RBPJ: variants seen among roughly 807,000 people sequenced by gnomAD.
The protein encoded by RBPJ is recombination signal binding protein for immunoglobulin kappa J region, also known as recombining binding protein suppressor of hairless.
In RBPJ, 9 loss-of-function variants were observed where a neutral mutation model predicts 67.8. The observed-to-expected ratio is 0.13, with a 90% confidence interval of 0.08 to 0.23. The LOEUF (loss-of-function observed/expected upper bound fraction) is 0.23, where lower values mean the gene tolerates loss of function less well. Ranked by LOEUF, RBPJ falls within the 10% of genes least tolerant of loss-of-function variation. The pLI, the probability that RBPJ is intolerant of heterozygous loss-of-function variation, is 1.00. For missense variants in RBPJ, 305 were observed against 595.6 expected (o/e 0.51, Z 5.08); for synonymous variants, 198 against 203.3 (o/e 0.97, Z 0.22).
intron 1 of RBPJ, among the ~76,000 whole-genome samples, chr4:26,261,133 T>C (rs1720517398): frequency 1.3e-5 from 2 of 151,942 alleles, no homozygotes; most frequent in South Asian, 2.1e-4. Flanking sequence ...TGGAAGAAAA[T>C]ATTGCACTGA....
At chr4:26,319,325 C>T (rs1420050518), upstream of RBPJ, among the ~76,000 whole-genome samples, 1 of 152,212 alleles carries the variant, frequency 6.6e-6, no homozygotes, top group Non-Finnish European at 1.5e-5. Flanking sequence ...CCGTTCGAGG[C>T]TCCCCACCCC....
intron 1 of RBPJ, among the ~76,000 whole-genome samples, chr4:26,240,753 A>G (rs1002163910): frequency 1.3e-5 from 2 of 152,076 alleles, no homozygotes; most frequent in African/African-American, 4.8e-5. Context: ...AAATTTTCAC[A>G]CAGAAGATGT....
upstream of RBPJ, among the ~76,000 whole-genome samples, chr4:26,315,190 ATATG>A (rs59271972): frequency 0.012 from 1,308 of 104,910 alleles, 67 homozygotes; most frequent in African/African-American, 0.032. Flanking sequence ...ATATATATAT[ATATG>A]TATGTATATA....
At position 26,264,996 on chromosome 4, in the gene RBPJ, A is replaced by G. The variant is rs1238650569; in HGVS notation, c.-166-97450A>G. Among the ~76,000 whole-genome samples the G allele has an allele frequency of 6.6e-6, 1 of 152,212 alleles. No homozygotes were observed. Among genetic ancestry groups the G allele is most frequent in the Non-Finnish European group, 1.5e-5 (1 of 68,040 alleles). On this transcript the variant is annotated intron_variant, in intron 1 of 4. Transcript: ENST00000512351. The surrounding 1 kb of genome is among the most constrained non-coding windows in gnomAD (Gnocchi z 4.1). ...CAAAGAAAGGACAGATGGTTGAAGT[A>G]TTTATACCCTATTCATAGGGAAGAG... is the stretch of plus-strand genomic sequence containing the variant.
the RBPJ span, among the ~76,000 whole-genome samples, chr4:26,124,412 C>T: frequency 1.3e-5 from 1 of 74,524 alleles, no homozygotes; most frequent in Non-Finnish European, 2.4e-5. Flanking sequence ...AGTAGTATTC[C>T]ATCATATATA....
chr4:26,308,402 T>C (rs1370016111), intron 1 of RBPJ, among the ~76,000 whole-genome samples: 4 of 152,266 alleles, frequency 2.6e-5, no homozygotes, highest in African/African-American at 9.6e-5. Flanking sequence ...ATTAATAGAA[T>C]GATTAGAAAT....
In RBPJ at chr4:26,430,259, G is replaced by T; in HGVS notation, c.1045-160G>T. ...AGAAAATTTAAATGTAAATAAACTT[G>T]TATGTTATCTTGAAATGTTTTTAGC... On this transcript the variant is annotated intron_variant, in intron 9 of 10. Transcript: ENST00000355476. This position sits in a 1 kb window ranked among gnomAD's most constrained non-coding sequence, Gnocchi z 4.1. 1 of 844,412 alleles carries T rather than the reference G, an allele frequency of 1.2e-6. No homozygotes were observed. The highest frequency in any genetic ancestry group is 1.9e-6 in the Non-Finnish European group (1 of 537,832). 52.3% of individuals were successfully genotyped at this position (844,412 alleles called of 1,614,324 possible).
intron 1 of RBPJ, among the ~76,000 whole-genome samples, chr4:26,259,368 CA>C (rs375463476): frequency 9.1e-4 from 138 of 152,226 alleles, no homozygotes; most frequent in African/African-American, 3.2e-3. Flanking sequence ...AAAAAGTCAA[CA>C]AGAAAAAATG....
chr4:26,120,598 C>T, the RBPJ span, among the ~76,000 whole-genome samples: 1 of 152,004 alleles, frequency 6.6e-6, no homozygotes, highest in South Asian at 2.1e-4. Context: ...TCATCCTAAC[C>T]TTGGCACCAT....
chr4:26,392,515 AGATG>A (rs1158770653), intron 2 of RBPJ, among the ~76,000 whole-genome samples: 2 of 152,198 alleles, frequency 1.3e-5, no homozygotes, highest in African/African-American at 4.8e-5. Flanking sequence ...GCAACAACAT[AGATG>A]GATCTTAAAA....
chr4:26,424,882 T>C lies in RBPJ; in HGVS notation c.747+139T>C. Reference sequence around the variant, plus strand: ...TAAAAGGTATGTTAGTAATCAGTGCTGTTTATAATTGACAGTTATGCTCTA... The same window carrying C: ...TAAAAGGTATGTTAGTAATCAGTGCCGTTTATAATTGACAGTTATGCTCTA... On this transcript the variant is annotated intron_variant, in intron 7 of 10. Coordinates refer to ENST00000355476, the MANE Select transcript of RBPJ (RefSeq NM_015874.6). The surrounding 1 kb of genome is among the most constrained non-coding windows in gnomAD (Gnocchi z 5.3). The C allele has an allele frequency of 1.8e-6, 1 of 566,480 alleles. No individual in the cohort carries two copies. The highest frequency in any genetic ancestry group is 3.1e-6 in the Non-Finnish European group (1 of 320,594). The allele number at this position is 566,480 out of a possible 1,614,324, so 35.1% of individuals were successfully genotyped here.
At chr4:26,250,328 CTTTTTT>C (rs869105820) in intron 1 of RBPJ, among the ~76,000 whole-genome samples, 1 of 120,682 alleles carries the variant, frequency 8.3e-6, no homozygotes, top group Non-Finnish European at 1.7e-5. Context: ...GACTCCATTC[CTTTTTT>C]TTTTTTTTTT....
At chr4:26,151,129 A>G in the RBPJ span, among the ~76,000 whole-genome samples, 1 of 152,246 alleles carries the variant, frequency 6.6e-6, no homozygotes, top group African/African-American at 2.4e-5. Flanking sequence ...GCACCGAAGC[A>G]GCAGAGCAGG....
the RBPJ span, among the ~76,000 whole-genome samples, chr4:26,120,864 C>T: frequency 1.4e-5 from 2 of 147,586 alleles, no homozygotes; most frequent in Non-Finnish European, 3.0e-5. Context: ...CTGAGATGCC[C>T]CAGCTATTCT....
At chr4:26,158,049 T>G in the RBPJ span, among the ~76,000 whole-genome samples, 1 of 152,212 alleles carries the variant, frequency 6.6e-6, no homozygotes, top group Non-Finnish European at 1.5e-5. Context: ...GTAAAATGGT[T>G]GTTGTTTAAA....
At chr4:26,318,116 A>AACAC (rs201135772), upstream of RBPJ, among the ~76,000 whole-genome samples, 1 of 151,004 alleles carries the variant, frequency 6.6e-6, no homozygotes, top group African/African-American at 2.4e-5. Flanking sequence ...GGCAAACACA[A>AACAC]ACACACACAC....
chr4:26,133,137 C>T, the RBPJ span, among the ~76,000 whole-genome samples: 1 of 152,274 alleles, frequency 6.6e-6, no homozygotes, highest in Non-Finnish European at 1.5e-5. Context: ...CATTTCCTTG[C>T]ACATGCACCA....
At chr4:26,303,451 A>C (rs148322927) in intron 1 of RBPJ, among the ~76,000 whole-genome samples, 2 of 149,120 alleles carry the variant, frequency 1.3e-5, no homozygotes, top group African/African-American at 4.9e-5. Flanking sequence ...AAAAAAAAAA[A>C]AAAAGAAAGA....
chr4:26,156,730 C>T, the RBPJ span, among the ~76,000 whole-genome samples: 2 of 152,090 alleles, frequency 1.3e-5, no homozygotes, highest in African/African-American at 4.8e-5. Flanking sequence ...GCTGGGATTA[C>T]AGACATGAGC....
Sources: allele counts gnomAD v4.1 joint callset (sites outside exome capture counted in the v4.1 genomes callset), GRCh38; gene constraint gnomAD v4.1.1; non-coding constraint Gnocchi (gnomAD v3.1); transcripts MANE v1.5; gene names NCBI Gene and HGNC (gene_info 2026-07-23, HGNC 2026-07-21).